CFAP20DC: variants seen among roughly 807,000 people sequenced by gnomAD.
CFAP20DC encodes CFAP20 domain containing.
A neutral mutation model predicts 101.7 loss-of-function variants in CFAP20DC; 84 were observed. The observed-to-expected ratio is 0.83, with a 90% CI of 0.69 to 0.99. The LOEUF (loss-of-function observed/expected upper bound fraction) is 0.99. Among genes scored for constraint, CFAP20DC ranks in the 50% least tolerant of loss-of-function variants. CFAP20DC has a pLI of 0.00. For missense variants in CFAP20DC, 1,007 were observed against 970.3 expected (o/e 1.04, Z -0.50); for synonymous variants, 359 against 351.2 (o/e 1.02, Z -0.25).
Position 58,894,376 on chromosome 3 carries a change from T to C in CFAP20DC, c.551-9667A>G, listed in dbSNP as rs2082498522. ...TAGATACAACAGGGGTACAGGTACC[T>C]ATTCCAAATGAGAGAAATTGGCAAA... On this transcript the variant is annotated intron_variant, in intron 6 of 16. Transcript: ENST00000482387. This position sits in a 1 kb window ranked among gnomAD's most constrained non-coding sequence, Gnocchi z 4.1. 6.6e-6 allele frequency among the ~76,000 whole-genome samples: 1 copy of C among 152,160 alleles called. No individual in the cohort carries two copies. The highest frequency in any genetic ancestry group is 1.5e-5 in the Non-Finnish European group (1 of 68,022).
At chr3:58,786,471 A>G (rs1411144418) in intron 15 of CFAP20DC, among the ~76,000 whole-genome samples, 1 of 152,100 alleles carries the variant, frequency 6.6e-6, no homozygotes, top group Non-Finnish European at 1.5e-5. Context: ...TTTCAGCAAT[A>G]AACAATTCAT....
intron 4 of CFAP20DC, among the ~76,000 whole-genome samples, chr3:59,023,900 G>GGA (rs1456706226): frequency 6.6e-6 from 1 of 152,016 alleles, no homozygotes; most frequent in African/African-American, 2.4e-5. Context: ...AGGGAGCAAT[G>GGA]GCATCCTCTA....
At chr3:59,049,554 A>C (rs912523976) in intron 1 of CFAP20DC, 57 bp downstream of exon 1, 3 of 1,470,436 alleles carry the variant, frequency 2.0e-6, no homozygotes, top group Non-Finnish European at 2.8e-6. Context: ...CCGATCACGG[A>C]CTACCTCACC....
chr3:58,740,166 A>AAGAGAAAAG (rs1193943409), downstream of CFAP20DC, among the ~76,000 whole-genome samples: 1 of 152,066 alleles, frequency 6.6e-6, no homozygotes, highest in African/African-American at 2.4e-5. The surrounding 1 kb of genome is among the most constrained non-coding windows in gnomAD (Gnocchi z 4.6). Context: ...GAGAAGAGAG[A>AAGAGAAAAG]AGAGAAAAGA....
chr3:58,948,602 C>T (rs920634099), intron 4 of CFAP20DC, among the ~76,000 whole-genome samples: 1 of 152,130 alleles, frequency 6.6e-6, no homozygotes, highest in South Asian at 2.1e-4. Context: ...GGGTTACTAG[C>T]GTTTGTTGAA....
In CFAP20DC at chr3:58,780,413, T is replaced by A. The variant is rs192456298; in HGVS notation, c.2237+25982A>T. On this transcript the variant is annotated intron_variant, in intron 15 of 16. Transcript: ENST00000482387. ...TGTAAAACAACGGAAAATCAAGTAATGAAATAACAGAAATAAGCCCACATG... is the reference window on the plus strand; with the variant it reads ...TGTAAAACAACGGAAAATCAAGTAAAGAAATAACAGAAATAAGCCCACATG... Among the ~76,000 whole-genome samples the A allele has an allele frequency of 2.3e-4, 35 of 152,000 alleles. No homozygotes were observed. In the East Asian group the frequency reaches 6.2e-3, roughly 27 times the overall value.
At chr3:58,946,385 G>A (rs1001228307) in intron 4 of CFAP20DC, among the ~76,000 whole-genome samples, 13 of 152,212 alleles carry the variant, frequency 8.5e-5, no homozygotes, top group African/African-American at 2.4e-4. Flanking sequence ...CCAAAGTGCT[G>A]GGATTACAGC....
intron 12 of CFAP20DC, among the ~76,000 whole-genome samples, chr3:58,856,295 C>CACAG (rs1487497568): frequency 1.3e-5 from 2 of 150,224 alleles, no homozygotes; most frequent in African/African-American, 5.0e-5. Flanking sequence ...CACACACACA[C>CACAG]ACACACACAC....
At chr3:58,934,866 A>G (rs1228958002) in intron 5 of CFAP20DC, among the ~76,000 whole-genome samples, 3 of 152,216 alleles carry the variant, frequency 2.0e-5, no homozygotes, top group Admixed American at 6.5e-5. Flanking sequence ...CTGGCACAAG[A>G]CAGGGATGCC....
chr3:58,900,968 G>A (rs1439416099), intron 6 of CFAP20DC, among the ~76,000 whole-genome samples: 3 of 152,144 alleles, frequency 2.0e-5, no homozygotes, highest in African/African-American at 7.2e-5. Context: ...TTTATTAGGG[G>A]GAATGGCTTG....
rs141738894 is a variant in CFAP20DC, at chr3:58,998,740, G to A, written c.278+40817C>T. Among the ~76,000 whole-genome samples the A allele has an allele frequency of 4.9e-4, 75 of 152,192 alleles. 1 individual carries two copies. Among genetic ancestry groups the A allele is most frequent in the African/African-American group, 1.8e-3 (73 of 41,526 alleles). ...TCACGATACTGGCCCTGATGATGAC[G>A]TGTCCCAGAAACAGGAGCTACTCTT... is the stretch of plus-strand genomic sequence containing the variant. On this transcript the variant is annotated intron_variant, in intron 4 of 16. Coordinates refer to ENST00000482387, the MANE Select transcript of CFAP20DC (RefSeq NM_001394063.1).
intron 15 of CFAP20DC, among the ~76,000 whole-genome samples, chr3:58,775,745 C>CTT (rs745494338): frequency 1.3e-4 from 17 of 133,704 alleles, no homozygotes; most frequent in African/African-American, 3.6e-4. Flanking sequence ...CCTTTTCTGT[C>CTT]TTTTTTTTTT....
intron 6 of CFAP20DC, among the ~76,000 whole-genome samples, chr3:58,911,239 A>G (rs955189630): frequency 6.6e-6 from 1 of 152,172 alleles, no homozygotes; most frequent in African/African-American, 2.4e-5. Flanking sequence ...AAATAAAATC[A>G]GGTATATCCA....
At chr3:58,852,907 A>G (rs973073573) in intron 12 of CFAP20DC, among the ~76,000 whole-genome samples, 1 of 151,692 alleles carries the variant, frequency 6.6e-6, no homozygotes, top group Non-Finnish European at 1.5e-5. Flanking sequence ...TGACACCCTA[A>G]CATCACAATT....
At position 58,927,455 on chromosome 3, in the gene CFAP20DC, C is replaced by G. The variant is rs180859201; in HGVS notation, c.393+10193G>C. Among the ~76,000 whole-genome samples the G allele has an allele frequency of 2.6e-5, 4 of 152,280 alleles. 1 individual carries two copies. The highest frequency in any genetic ancestry group is 9.6e-5 in the African/African-American group (4 of 41,548). On this transcript the variant is annotated intron_variant, in intron 5 of 16. Transcript: ENST00000482387. Reference sequence around the variant, plus strand: ...TCCACCTGCATACCTTATGAGTACACAGAGGATTCAACTTTACAGAAGAGC... The same window carrying G: ...TCCACCTGCATACCTTATGAGTACAGAGAGGATTCAACTTTACAGAAGAGC...
chr3:58,981,680 T>A (rs1367840295), intron 4 of CFAP20DC, among the ~76,000 whole-genome samples: 2 of 152,176 alleles, frequency 1.3e-5, no homozygotes, highest in Admixed American at 6.5e-5. Flanking sequence ...CTGGATCACT[T>A]CCTTACACCT....
chr3:58,963,064 C>T (rs1444382224), intron 4 of CFAP20DC, among the ~76,000 whole-genome samples: 1 of 151,992 alleles, frequency 6.6e-6, no homozygotes, highest in Non-Finnish European at 1.5e-5. Flanking sequence ...AGTCAGCTCG[C>T]TCTGGCAATG....
intron 4 of CFAP20DC, among the ~76,000 whole-genome samples, chr3:59,038,763 T>G (rs2094147157): frequency 6.6e-6 from 1 of 152,122 alleles, no homozygotes; most frequent in African/African-American, 2.4e-5. Flanking sequence ...GTTTGATGGC[T>G]TCACTGAAAA....
At chr3:58,886,120 T>G (rs987651668) in intron 6 of CFAP20DC, among the ~76,000 whole-genome samples, 1 of 152,120 alleles carries the variant, frequency 6.6e-6, no homozygotes, top group African/African-American at 2.4e-5. Flanking sequence ...TGTACCAAAG[T>G]CTTAAAAATG....
Sources: allele counts gnomAD v4.1 joint callset (sites outside exome capture counted in the v4.1 genomes callset), GRCh38; gene constraint gnomAD v4.1.1; non-coding constraint Gnocchi (gnomAD v3.1); transcripts MANE v1.5; gene names NCBI Gene and HGNC (gene_info 2026-07-23, HGNC 2026-07-21).